Variants in PPP2R1A observed in about 807,000 individuals in gnomAD.
The protein encoded by PPP2R1A is serine/threonine-protein phosphatase 2A 65 kDa regulatory subunit A alpha isoform.
A neutral mutation model predicts 67.1 loss-of-function variants in PPP2R1A; 15 were observed. The observed-to-expected ratio is 0.22, with a 90% CI of 0.15 to 0.34. The LOEUF is 0.34. Ranked by LOEUF, PPP2R1A falls within the 10% of genes least tolerant of loss-of-function variation. The pLI, the probability that PPP2R1A is intolerant of heterozygous loss-of-function variation, is 1.00. For synonymous variants in PPP2R1A, 337 were observed against 325.0 expected, an observed-to-expected ratio of 1.04 and a Z score of -0.40; for missense variants, 369 against 775.0, an observed-to-expected ratio of 0.48 and a Z score of 6.22.
rs546122759 is a variant in PPP2R1A, at chr19:52,212,537, C to T, written c.504-149C>T. ...GGGTAGGTACTGTTACTATCAGCTC[C>T]GTTTCATAGGGCTGGGAAGACAGAG... On this transcript the variant is annotated intron_variant, in intron 4 of 14. Coordinates refer to ENST00000322088, the MANE Select transcript of PPP2R1A (RefSeq NM_014225.6). This position sits in a 1 kb window ranked among gnomAD's most constrained non-coding sequence, Gnocchi z 4.1. 1.1e-4 allele frequency: 104 copies of T among 918,728 alleles called. 1 individual carries two copies. In the African/African-American group the frequency reaches 1.4e-3, roughly 12 times the overall value. The allele number at this position is 918,728 out of a possible 1,614,324, so 56.9% of individuals were successfully genotyped here. A position where few individuals can be genotyped will look rare whatever the true frequency, so the allele number is the denominator to read the frequency against.
Position 52,228,132 on chromosome 19 carries a change from CAT to C in PPP2R1A, c.*2152_*2153del, listed in dbSNP as rs374417844. ...CTCAGAGGTGGGGTCTACAATTGGA[CAT>C]GTGTATGTAGACAAGGCTCAGGGAT... On this transcript the variant is annotated 3_prime_UTR_variant, in exon 15 of 15. Coordinates refer to ENST00000322088, the MANE Select transcript of PPP2R1A (RefSeq NM_014225.6). The C allele has an allele frequency of 9.8e-4, 149 of 152,256 alleles. No individual in the cohort carries two copies. The highest frequency in any genetic ancestry group is 3.5e-3 in the African/African-American group (146 of 41,502). 9.4% of individuals were successfully genotyped at this position (152,256 alleles called of 1,614,324 possible).
chr19:52,191,079 G>A (rs2089450142), intron 1 of PPP2R1A: 1 of 152,092 alleles, frequency 6.6e-6, no homozygotes, highest in Non-Finnish European at 1.5e-5. Context: ...AGGCTTGGTC[G>A]GGAACTCTTG....
intron 12 of PPP2R1A, 118 bp from the exon 13 acceptor site, chr19:52,221,981 G>A (rs753223008): frequency 2.6e-4 from 269 of 1,041,382 alleles, no homozygotes; most frequent in African/African-American, 1.3e-3. Flanking sequence ...TGAGTCACCC[G>A]TATTGCTCAG....
chr19:52,197,461 G>T (rs2089506842), intron 1 of PPP2R1A, among the ~76,000 whole-genome samples: 1 of 152,086 alleles, frequency 6.6e-6, no homozygotes, highest in Non-Finnish European at 1.5e-5. Context: ...GATTGCTTGA[G>T]CTCAGGAGTT....
intron 2 of PPP2R1A, 51 bp from the exon 3 acceptor site, chr19:52,205,912 T>C: frequency 6.8e-7 from 1 of 1,476,380 alleles, no homozygotes; most frequent in Non-Finnish European, 9.4e-7. Context: ...GAGCTTGGGC[T>C]GGGGTCAGAG....
At chr19:52,218,128 C>G (rs112850124) in intron 9 of PPP2R1A, among the ~76,000 whole-genome samples, 1 of 152,188 alleles carries the variant, frequency 6.6e-6, no homozygotes, top group African/African-American at 2.4e-5. Flanking sequence ...TGGTGAAAAA[C>G]TGGGCAGATG....
At position 52,219,323 on chromosome 19, in the gene PPP2R1A, C is replaced by G. The variant is rs1978775151; in HGVS notation, c.1129-368C>G. On this transcript the variant is annotated intron_variant, in intron 9 of 14. Transcript: ENST00000322088. The surrounding 1 kb of genome is among the most constrained non-coding windows in gnomAD (Gnocchi z 4.0). ...AATAGTTTTCTTCCTTCCCTTCTCC[C>G]ATGTTGTGGATTGATACCCAGAAAG... Among the ~76,000 whole-genome samples, 1 of 152,174 alleles carries G rather than the reference C, an allele frequency of 6.6e-6. No individual in the cohort carries two copies. The highest frequency in any genetic ancestry group is 1.5e-5 in the Non-Finnish European group (1 of 68,030).
intron 14 of PPP2R1A, 41 bp downstream of exon 14, chr19:52,225,849 C>G (rs768645581): frequency 6.2e-7 from 1 of 1,612,156 alleles, no homozygotes; most frequent in Non-Finnish European, 8.5e-7. Flanking sequence ...GGAGGGTGGA[C>G]TTTGAGGACA....
In PPP2R1A at chr19:52,211,571, C is replaced by A; in HGVS notation, c.503+79C>A. The stretch of plus-strand genomic sequence containing the variant: ...TCTAAAGCCTCAGACTCCTTTTGGT[C>A]TAGCTGGGGCCCAAATGCCCCTGAA... On this transcript the variant is annotated intron_variant, in intron 4 of 14. Transcript: ENST00000322088. The surrounding 1 kb of genome is among the most constrained non-coding windows in gnomAD (Gnocchi z 5.3). 1 of 1,437,330 alleles carries A rather than the reference C, an allele frequency of 7.0e-7. No homozygotes were observed. Among genetic ancestry groups the A allele is most frequent in the Non-Finnish European group, 9.4e-7 (1 of 1,064,924 alleles). The allele number at this position is 1,437,330 out of a possible 1,614,324, so 89.0% of individuals were successfully genotyped here. A position where few individuals can be genotyped will look rare whatever the true frequency, so the allele number is the denominator to read the frequency against.
intron 1 of PPP2R1A, among the ~76,000 whole-genome samples, chr19:52,194,187 G>A (rs1285364090): frequency 6.6e-6 from 1 of 151,762 alleles, no homozygotes; most frequent in African/African-American, 2.4e-5. Flanking sequence ...GTTAGAGAAA[G>A]CTGCTCTGAG....
At chr19:52,209,403 T>C (rs980192825) in intron 3 of PPP2R1A, among the ~76,000 whole-genome samples, 3 of 152,234 alleles carry the variant, frequency 2.0e-5, no homozygotes, top group African/African-American at 7.2e-5. Flanking sequence ...CATGAGGACC[T>C]GTGACAGTGA....
At chr19:52,209,805 G>C (rs2089647348) in intron 3 of PPP2R1A, among the ~76,000 whole-genome samples, 1 of 152,176 alleles carries the variant, frequency 6.6e-6, no homozygotes, top group Non-Finnish European at 1.5e-5. Context: ...CATCTTCAAG[G>C]TTCATCCATG....
chr19:52,221,938 T>C, intron 12 of PPP2R1A, 161 bp from the exon 13 acceptor site: 1 of 639,494 alleles, frequency 1.6e-6, no homozygotes. Flanking sequence ...GTTAGGATGG[T>C]GTTAGTGGAG....
At chr19:52,209,812 C>G (rs752609357) in intron 3 of PPP2R1A, among the ~76,000 whole-genome samples, 17 of 152,220 alleles carry the variant, frequency 1.1e-4, no homozygotes, top group Admixed American at 2.0e-4. Flanking sequence ...AAGGTTCATC[C>G]ATGTTGTAGC....
intron 1 of PPP2R1A, among the ~76,000 whole-genome samples, chr19:52,199,932 C>G (rs1387509551): frequency 6.6e-6 from 1 of 152,160 alleles, no homozygotes; most frequent in African/African-American, 2.4e-5. Context: ...TTTTGGACTA[C>G]CTGTATGAAA....
rs1051858122 is a variant in PPP2R1A at position 52,225,996 on chromosome 19, C to A, written c.*15C>A. ...CTCTCGCCTGATGCTGGAAGAGGAG[C>A]AAACACTGGCCTCTGGTGTCCACCC... is the stretch of plus-strand genomic sequence containing the variant. On this transcript the variant is annotated 3_prime_UTR_variant, in exon 15 of 15. Transcript: ENST00000322088. The A allele has an allele frequency of 2.5e-6, 4 of 1,614,102 alleles. No individual in the cohort carries two copies. Among genetic ancestry groups the A allele is most frequent in the Non-Finnish European group, 3.4e-6 (4 of 1,180,044 alleles).
chr19:52,216,208 C>G lies in PPP2R1A; in HGVS notation c.993+134C>G, dbSNP rs2122349878. On this transcript the variant is annotated intron_variant, in intron 8 of 14. Transcript: ENST00000322088. This position sits in a 1 kb window ranked among gnomAD's most constrained non-coding sequence, Gnocchi z 4.3. ...CTGGGACCAGGCAGCTCTTGGGTTTCAAGCAGTTAGGGGTCCTGACTGCAG... is the reference window on the plus strand; with the variant it reads ...CTGGGACCAGGCAGCTCTTGGGTTTGAAGCAGTTAGGGGTCCTGACTGCAG... 1 of 1,030,428 alleles carries G rather than the reference C, an allele frequency of 9.7e-7. No homozygotes were observed. The highest frequency in any genetic ancestry group is 2.5e-5 in the East Asian group (1 of 39,514). The allele number at this position is 1,030,428 out of a possible 1,614,324, so 63.8% of individuals were successfully genotyped here. A position where few individuals can be genotyped will look rare whatever the true frequency, so the allele number is the denominator to read the frequency against.
chr19:52,226,365 ATTT>A lies in PPP2R1A; in HGVS notation c.*386_*388del. On this transcript the variant is annotated 3_prime_UTR_variant, in exon 15 of 15. Coordinates refer to ENST00000322088, the MANE Select transcript of PPP2R1A (RefSeq NM_014225.6). ...TTTGTGTGTCAACTGTGCCGTTTTTATTTTATTCCTTTTATTTTCCCCCTTTTC... is the reference window on the plus strand; with the variant it reads ...TTTGTGTGTCAACTGTGCCGTTTTTATATTCCTTTTATTTTCCCCCTTTTC... The A allele has an allele frequency of 5.8e-6, 2 of 341,900 alleles. No individual in the cohort carries two copies. The highest frequency in any genetic ancestry group is 5.3e-6 in the Non-Finnish European group (1 of 187,216). 21.2% of individuals were successfully genotyped at this position (341,900 alleles called of 1,614,324 possible). A position where few individuals can be genotyped will look rare whatever the true frequency, so the allele number is the denominator to read the frequency against.
At chr19:52,204,721 G>A (rs17835915) in intron 2 of PPP2R1A, among the ~76,000 whole-genome samples, 18,726 of 152,214 alleles carry the variant, frequency 0.12, 1,332 homozygotes, top group East Asian at 0.22. Context: ...GGCTGGGAAC[G>A]AGCCTAAGAA....
Sources: allele counts gnomAD v4.1 joint callset (sites outside exome capture counted in the v4.1 genomes callset), GRCh38; gene constraint gnomAD v4.1.1; non-coding constraint Gnocchi (gnomAD v3.1); transcripts MANE v1.5; gene names NCBI Gene and HGNC (gene_info 2026-07-23, HGNC 2026-07-21).